FBXL13: variants seen among roughly 807,000 people sequenced by gnomAD.
FBXL13 encodes the protein F-box and leucine-rich repeat protein 13.
Under a neutral mutation model 83.6 loss-of-function variants are expected in FBXL13, and 67 were observed. The observed-to-expected ratio is 0.80, with a 90% CI of 0.66 to 0.98. The LOEUF is 0.98. FBXL13 is among the 50% of genes least tolerant of loss of function. The pLI is 0.00. For missense variants in FBXL13, 822 were observed against 866.5 expected, an observed-to-expected ratio of 0.95 and a Z score of 0.64; for synonymous variants, 272 against 299.5, an observed-to-expected ratio of 0.91 and a Z score of 0.95.
chr7:102,839,114 C>T (rs1188072891), intron 17 of FBXL13, among the ~76,000 whole-genome samples: 1 of 152,220 alleles, frequency 6.6e-6, no homozygotes, highest in African/African-American at 2.4e-5. Flanking sequence ...GACATGTTGG[C>T]AGCAATGCTG....
At chr7:102,913,428 AT>A (rs1281749400) in intron 10 of FBXL13, among the ~76,000 whole-genome samples, 1 of 152,244 alleles carries the variant, frequency 6.6e-6, no homozygotes, top group Non-Finnish European at 1.5e-5. Flanking sequence ...CTTGTAATAC[AT>A]TTCAAGTGAA....
At chr7:102,968,759 A>G (rs1563165631) in intron 6 of FBXL13, among the ~76,000 whole-genome samples, 1 of 152,242 alleles carries the variant, frequency 6.6e-6, no homozygotes, top group Non-Finnish European at 1.5e-5. Flanking sequence ...AAGGTGCTTC[A>G]TGCTATAGTT....
chr7:102,829,643 A>G (rs762364499), intron 18 of FBXL13, among the ~76,000 whole-genome samples: 5 of 152,120 alleles, frequency 3.3e-5, no homozygotes, highest in Non-Finnish European at 7.4e-5. Flanking sequence ...ATTTGTAGCT[A>G]TATTTGTTTT....
At chr7:102,856,727 A>G in intron 16 of FBXL13, among the ~76,000 whole-genome samples, 1 of 152,220 alleles carries the variant, frequency 6.6e-6, no homozygotes, top group East Asian at 1.9e-4. Context: ...GCTATAATTT[A>G]AAATACAGAT....
chr7:102,923,446 CATAA>C, intron 10 of FBXL13, among the ~76,000 whole-genome samples: 1 of 152,256 alleles, frequency 6.6e-6, no homozygotes, highest in South Asian at 2.1e-4. Flanking sequence ...ATACAATGGA[CATAA>C]ATAACTACAA....
chr7:103,020,901 A>G (rs147319015), intron 6 of FBXL13, among the ~76,000 whole-genome samples: 5,658 of 152,316 alleles, frequency 0.037, 148 homozygotes, highest in East Asian at 0.15. Flanking sequence ...GAAAATGGCC[A>G]TACTACCCAA....
chr7:102,816,595 G>A (rs1332942724), intron 19 of FBXL13, among the ~76,000 whole-genome samples: 1 of 152,170 alleles, frequency 6.6e-6, no homozygotes, highest in Non-Finnish European at 1.5e-5. Flanking sequence ...CTATGTAGCT[G>A]TGTGTTTGCA....
At chr7:102,919,982 T>C (rs1816670296) in intron 10 of FBXL13, among the ~76,000 whole-genome samples, 1 of 152,204 alleles carries the variant, frequency 6.6e-6, no homozygotes, top group Non-Finnish European at 1.5e-5. Flanking sequence ...TACAATTCGA[T>C]ATTAAAAAGA....
intron 8 of FBXL13, among the ~76,000 whole-genome samples, chr7:102,941,602 T>C (rs528642592): frequency 6.6e-6 from 1 of 152,238 alleles, no homozygotes; most frequent in East Asian, 1.9e-4. Context: ...GTGAACCCAT[T>C]GGATGGCTAC....
intron 7 of FBXL13, among the ~76,000 whole-genome samples, chr7:102,964,411 T>A (rs887893878): frequency 5.3e-5 from 8 of 150,226 alleles, no homozygotes; most frequent in South Asian, 2.1e-4. Flanking sequence ...TATATTTTTT[T>A]TTTTTTTTCC....
rs1554442111 is a variant in FBXL13 at position 102,893,966 on chromosome 7, G to GAGAAAGAAAC, written c.1009-9655_1009-9654insGTTTCTTTCT. ...AGAAAGAAAGAAAGAAAGAAAGAGA[G>GAGAAAGAAAC]AAAGAAAGAAAGAAAGAGGAAAGAA... On this transcript the variant is annotated intron_variant, in intron 11 of 19. Transcript: ENST00000313221. Among the ~76,000 whole-genome samples, 1,255 of 144,600 alleles carry GAGAAAGAAAC rather than the reference G, an allele frequency of 8.7e-3. 20 individuals are homozygous for GAGAAAGAAAC. Among genetic ancestry groups the GAGAAAGAAAC allele is most frequent in the African/African-American group, 0.03 (1,155 of 39,080 alleles). 94.9% of individuals were successfully genotyped at this position (144,600 alleles called of 152,430 possible). A position where few individuals can be genotyped will look rare whatever the true frequency, so the allele number is the denominator to read the frequency against.
At chr7:102,996,698 A>G (rs1420169637) in intron 6 of FBXL13, among the ~76,000 whole-genome samples, 1 of 152,232 alleles carries the variant, frequency 6.6e-6, no homozygotes, top group Admixed American at 6.5e-5. Flanking sequence ...TCATAAACAA[A>G]TCAACAAACA....
chr7:102,815,938 T>C (rs529980829), intron 19 of FBXL13, among the ~76,000 whole-genome samples: 2 of 152,296 alleles, frequency 1.3e-5, no homozygotes, highest in African/African-American at 4.8e-5. Flanking sequence ...GACTCCTTAA[T>C]ATAAGATAAG....
intron 2 of FBXL13, among the ~76,000 whole-genome samples, chr7:103,052,748 T>A (rs1236094663): frequency 1.1e-4 from 16 of 147,260 alleles, no homozygotes; most frequent in Non-Finnish European, 1.5e-5. Flanking sequence ...TCTCTGACAA[T>A]TCCTTTTCTT....
intron 17 of FBXL13, among the ~76,000 whole-genome samples, chr7:102,835,989 A>G (rs1801908617): frequency 6.6e-6 from 1 of 152,202 alleles, no homozygotes; most frequent in African/African-American, 2.4e-5. Context: ...AGAAAAATTA[A>G]AGCAAGAAAG....
intron 4 of FBXL13, 27 bp from the exon 6 acceptor site, chr7:103,027,585 A>G (rs776021196): frequency 4.2e-6 from 6 of 1,425,610 alleles, no homozygotes; most frequent in Middle Eastern, 2.1e-4. Context: ...AGATTACTGT[A>G]TATATTAATA....
intron 17 of FBXL13, among the ~76,000 whole-genome samples, chr7:102,838,634 T>C (rs6952186): frequency 0.13 from 19,400 of 152,052 alleles, 1,450 homozygotes; most frequent in East Asian, 0.3. Flanking sequence ...TCTGTAACTT[T>C]AGCCCCAACC....
At chr7:102,831,446 G>A (rs887871558) in intron 18 of FBXL13, among the ~76,000 whole-genome samples, 8 of 150,266 alleles carry the variant, frequency 5.3e-5, no homozygotes, top group African/African-American at 2.0e-4. Flanking sequence ...ACTACAGAGA[G>A]TTATCTTGTC....
intron 10 of FBXL13, among the ~76,000 whole-genome samples, chr7:102,924,719 G>A (rs1275779458): frequency 1.4e-5 from 2 of 142,628 alleles, no homozygotes; most frequent in African/African-American, 5.2e-5. Context: ...TTGGCTCACT[G>A]CAAGCTCCGC....
Sources: gnomAD v4.1 joint callset for allele counts (sites outside exome capture counted in the v4.1 genomes callset) on GRCh38, gnomAD v4.1.1 for gene constraint, MANE v1.5 for transcripts, NCBI Gene and HGNC (gene_info 2026-07-23, HGNC 2026-07-21) for gene names.